RRAGC: variants seen among roughly 807,000 people sequenced by gnomAD.
RRAGC encodes the protein Ras related GTP binding C, also known as ras-related GTP-binding protein C.
A neutral mutation model predicts 37.1 loss-of-function variants in RRAGC; 8 were observed. The ratio of observed to expected loss-of-function variants is 0.22; its 90% CI spans 0.13 to 0.39. RRAGC has a LOEUF of 0.39. Among genes scored for constraint, RRAGC ranks in the 10% least tolerant of loss-of-function variants. The pLI, the probability that RRAGC is intolerant of heterozygous loss-of-function variation, is 1.00. For missense variants in RRAGC, 342 were observed against 497.6 expected (o/e 0.69, Z 2.98); for synonymous variants, 190 against 181.1 (o/e 1.05, Z -0.39).
chr1:38,844,767 TAAAC>T (rs1557584379), intron 6 of RRAGC, among the ~76,000 whole-genome samples: 2 of 152,060 alleles, frequency 1.3e-5, no homozygotes, highest in Non-Finnish European at 2.9e-5. Flanking sequence ...ACGAGGAACT[TAAAC>T]AAATGTACAA....
intron 5 of RRAGC, chr1:38,846,728 G>A (rs977532463): frequency 2.0e-5 from 3 of 152,146 alleles, no homozygotes; most frequent in Non-Finnish European, 4.4e-5. Context: ...TCTAGCTATT[G>A]TTACGAATTA....
At position 38,839,582 on chromosome 1, in the gene RRAGC, G is replaced by C; in HGVS notation, c.1171C>G (p.His391Asp). The part of the protein sequence containing the change: ...TSASSLKALT[H>D]NGTPRNAI ...ATGGCGTTTCGTGGCGTGCCATTGT[G>C]TGTCAGCGCTTTCAGACTGGAGGCA... Residue 391 changes from histidine to aspartate, a missense_variant, in exon 7 of 7, where the codon CAC becomes GAC. His to Asp is a moderately conservative substitution (Grantham distance 81). Transcript: ENST00000373001. 2 of 1,614,134 alleles carry C rather than the reference G, an allele frequency of 1.2e-6. No individual in the cohort carries two copies. The highest frequency in any genetic ancestry group is 1.7e-6 in the Non-Finnish European group (2 of 1,180,034).
chr1:38,858,615 T>C (rs1642196384), intron 1 of RRAGC, among the ~76,000 whole-genome samples: 1 of 152,160 alleles, frequency 6.6e-6, no homozygotes, highest in South Asian at 2.1e-4. Context: ...GGAGAATTAC[T>C]TGAACCAGGG....
At chr1:38,848,750 T>G (rs1642056355) in intron 5 of RRAGC, among the ~76,000 whole-genome samples, 1 of 151,836 alleles carries the variant, frequency 6.6e-6, no homozygotes, top group Non-Finnish European at 1.5e-5. Flanking sequence ...TTTGGGAGAC[T>G]AAGACGGGAA....
chr1:38,839,523 T>C lies in RRAGC; in HGVS notation c.*30A>G, dbSNP rs1325044863. 1.2e-6 allele frequency: 2 copies of C among 1,612,538 alleles called. No homozygotes were observed. Among genetic ancestry groups the C allele is most frequent in the Admixed American group, 1.7e-5 (1 of 59,954 alleles). On this transcript the variant is annotated 3_prime_UTR_variant, in exon 7 of 7. Coordinates refer to ENST00000373001, the MANE Select transcript of RRAGC (RefSeq NM_022157.4). ...TCCGACCCTGGAGTGAAGAGTAAGC[T>C]GGCACAGAGCCCCGACGCTGGGATT...
At chr1:38,848,375 A>AC (rs1390740811) in intron 5 of RRAGC, among the ~76,000 whole-genome samples, 2 of 152,164 alleles carry the variant, frequency 1.3e-5, no homozygotes, top group Admixed American at 1.3e-4. Flanking sequence ...AACATAGACA[A>AC]CCCTAAAGAT....
rs1642218682 is a variant in RRAGC, at chr1:38,859,756, G to A, written c.-110C>T. The stretch of plus-strand genomic sequence containing the variant: ...CGCCGCCACCACCGCCACCGCCCCC[G>A]GCAGCCGCCACAGTCCGGCCCGCCC... On this transcript the variant is annotated 5_prime_UTR_variant, in exon 1 of 7. Coordinates refer to ENST00000373001, the MANE Select transcript of RRAGC (RefSeq NM_022157.4). The A allele has an allele frequency of 2.0e-6, 2 of 980,588 alleles. No homozygotes were observed. Among genetic ancestry groups the A allele is most frequent in the Non-Finnish European group, 2.6e-6 (2 of 771,070 alleles). The allele number at this position is 980,588 out of a possible 1,614,324, so 60.7% of individuals were successfully genotyped here.
Position 38,846,012 on chromosome 1 carries a change from G to A in RRAGC, c.975C>T (p.Val325=), listed in dbSNP as rs778295030. The change falls in exon 6 of 7, where the codon GTC becomes GTT. Residue 325 remains valine, a synonymous_variant. Transcript: ENST00000373001. ...MAIIKLNNTT[V]LYLKEVTKFL... is the part of the protein sequence containing the mutation. Reference sequence around the variant, plus strand: ...ATTTAGTCACCTCCTTTAAATAAAGGACAGTTGTATTATTCAGCTTGATAA... The same window carrying A: ...ATTTAGTCACCTCCTTTAAATAAAGAACAGTTGTATTATTCAGCTTGATAA... 3 of 1,612,086 alleles carry A rather than the reference G, an allele frequency of 1.9e-6. No homozygotes were observed. In the South Asian group the frequency reaches 3.3e-5, roughly 18 times the overall value.
At position 38,857,055 on chromosome 1, in the gene RRAGC, C is replaced by T. The variant is rs764801643; in HGVS notation, c.265G>A (p.Glu89Lys). The change falls in exon 2 of 7, where the codon GAG becomes AAG. Residue 89 changes from glutamate (E) to lysine (K), a missense_variant. Around this residue, in one of 3 missense-constraint regions of RRAGC, gnomAD observed 134 missense variants for 277.2 expected, o/e 0.48. Transcript: ENST00000373001. ...KVVFHKMSPNETLFLESTNKI... is the reference protein window; with the variant it reads ...KVVFHKMSPNKTLFLESTNKI... ...TTGGTACTTTCCAAAAAGAGGGTCTCGTTGGGTGACATCTTATGAAACACC... is the reference window on the plus strand; with the variant it reads ...TTGGTACTTTCCAAAAAGAGGGTCTTGTTGGGTGACATCTTATGAAACACC... 2 of 1,613,458 alleles carry T rather than the reference C, an allele frequency of 1.2e-6. No homozygotes were observed. Among genetic ancestry groups the T allele is most frequent in the South Asian group, 1.1e-5 (1 of 91,040 alleles).
intron 5 of RRAGC, among the ~76,000 whole-genome samples, chr1:38,848,796 G>T (rs114493293): frequency 0.013 from 1,974 of 151,896 alleles, 32 homozygotes; most frequent in African/African-American, 0.044. Context: ...ACCAGCCTGG[G>T]TAACACTATG....
rs749344956 is a variant in RRAGC, at chr1:38,838,846, C to T, written c.*707G>A. 6.6e-6 allele frequency: 1 copy of T among 152,190 alleles called. No individual in the cohort carries two copies. The highest frequency in any genetic ancestry group is 1.5e-5 in the Non-Finnish European group (1 of 68,022). 9.4% of individuals were successfully genotyped at this position (152,190 alleles called of 1,614,324 possible). The stretch of plus-strand genomic sequence containing the variant: ...ACTGAGCATGATCATTTATCTAATG[C>T]AGAAGAAAGAACCCAGACATCTGGT... On this transcript the variant is annotated 3_prime_UTR_variant, in exon 7 of 7. Transcript: ENST00000373001.
At chr1:38,842,968 G>C (rs1441244196) in intron 6 of RRAGC, among the ~76,000 whole-genome samples, 1 of 152,104 alleles carries the variant, frequency 6.6e-6, no homozygotes, top group Non-Finnish European at 1.5e-5. Context: ...TAGACATGAA[G>C]TGAAAAAATA....
At chr1:38,859,301 G>A (rs1238885298) in intron 1 of RRAGC, 109 bp downstream of exon 1, 2 of 1,018,848 alleles carry the variant, frequency 2.0e-6, no homozygotes, top group South Asian at 1.6e-5. Context: ...GAGAAAGTGC[G>A]GAGGGACGGA....
chr1:38,856,056 A>G (rs183938761), intron 2 of RRAGC, 149 bp from the exon 3 acceptor site: 10 of 480,902 alleles, frequency 2.1e-5, no homozygotes, highest in East Asian at 3.2e-5. Flanking sequence ...CTATACTACT[A>G]AATAACTCTT....
At chr1:38,855,629 T>C in intron 3 of RRAGC, 79 bp downstream of exon 3, 1 of 1,132,806 alleles carries the variant, frequency 8.8e-7, no homozygotes, top group Non-Finnish European at 1.3e-6. Context: ...AGCAGAAAGC[T>C]ATGGTGTTTG....
chr1:38,856,554 G>T (rs1165805320), intron 2 of RRAGC, among the ~76,000 whole-genome samples: 3 of 152,006 alleles, frequency 2.0e-5, no homozygotes, highest in African/African-American at 7.3e-5. Flanking sequence ...TTATGTTATG[G>T]GATGGGATAT....
At position 38,857,105 on chromosome 1, in the gene RRAGC, T is replaced by G. The variant is rs573295173; in HGVS notation, c.238-23A>C. ...CACCTGTTAAAAGAAAACAGGCAAT[T>G]TTATGACTATTAAACTTCAGAATTT... is the stretch of plus-strand genomic sequence containing the variant. On this transcript the variant is annotated intron_variant, in intron 1 of 6. Coordinates refer to ENST00000373001, the MANE Select transcript of RRAGC (RefSeq NM_022157.4). The G allele has an allele frequency of 3.3e-6, 5 of 1,498,494 alleles. No individual in the cohort carries two copies. In the East Asian group the frequency reaches 1.1e-4, roughly 34 times the overall value. The allele number at this position is 1,498,494 out of a possible 1,614,324, so 92.8% of individuals were successfully genotyped here. A position where few individuals can be genotyped will look rare whatever the true frequency, so the allele number is the denominator to read the frequency against.
In RRAGC at chr1:38,838,895, T is replaced by C. The variant is rs1443719663; in HGVS notation, c.*658A>G. On this transcript the variant is annotated 3_prime_UTR_variant, in exon 7 of 7. Coordinates refer to ENST00000373001, the MANE Select transcript of RRAGC (RefSeq NM_022157.4). ...GTACTCAGAACATAGGTGCAAAAAT[T>C]TTCTTCCATTTCAAAGTTTTTTCAA... 2.0e-5 allele frequency: 3 copies of C among 152,134 alleles called. No homozygotes were observed. Among genetic ancestry groups the C allele is most frequent in the African/African-American group, 7.2e-5 (3 of 41,412 alleles). 9.4% of individuals were successfully genotyped at this position (152,134 alleles called of 1,614,324 possible). A position where few individuals can be genotyped will look rare whatever the true frequency, so the allele number is the denominator to read the frequency against.
At chr1:38,856,852 A>G (rs1557588731) in intron 2 of RRAGC, 27 bp downstream of exon 2, 1 of 1,599,502 alleles carries the variant, frequency 6.3e-7, no homozygotes, top group African/African-American at 1.3e-5. Context: ...CCCACCAGGA[A>G]AGAGGAGTAA....
Sources: allele counts gnomAD v4.1 joint callset (sites outside exome capture counted in the v4.1 genomes callset), GRCh38; gene constraint gnomAD v4.1.1; regional missense constraint gnomAD v4.1.1; transcripts MANE v1.5; gene names NCBI Gene and HGNC (gene_info 2026-07-23, HGNC 2026-07-21).